PKD1L1: variants seen among roughly 807,000 people sequenced by gnomAD.
PKD1L1 encodes the protein polycystin 1 like 1, transient receptor potential channel interacting, also known as polycystin-1-like protein 1.
PKD1L1 carries 236 observed loss-of-function variants against 323.4 expected under a neutral mutation model. The ratio of observed to expected loss-of-function variants is 0.73; its 90% CI spans 0.66 to 0.81. PKD1L1 has a LOEUF of 0.81. Among genes scored for constraint, PKD1L1 ranks in the 40% least tolerant of loss-of-function variants. The pLI is 0.00. For synonymous variants in PKD1L1, 1,344 were observed against 1,335.0 expected (o/e 1.01, Z -0.15); for missense variants, 3,320 against 3,508.0 (o/e 0.95, Z 1.35).
intron 7 of PKD1L1, among the ~76,000 whole-genome samples, chr7:47,917,075 A>T (rs1176735638): frequency 2.0e-5 from 3 of 152,194 alleles, no homozygotes; most frequent in African/African-American, 7.2e-5. Flanking sequence ...AAATCCAAAA[A>T]ATGATACAAG....
At chr7:47,778,295 G>A (rs1044460733) in intron 56 of PKD1L1, among the ~76,000 whole-genome samples, 2 of 152,180 alleles carry the variant, frequency 1.3e-5, no homozygotes, top group African/African-American at 4.8e-5. Context: ...AGAGATTATC[G>A]TGTGGAGAAG....
chr7:47,821,906 C>A (rs971387758), intron 45 of PKD1L1, among the ~76,000 whole-genome samples: 2 of 151,978 alleles, frequency 1.3e-5, no homozygotes, highest in African/African-American at 4.8e-5. Flanking sequence ...GCAGGCTGGT[C>A]TTAAACTCTT....
chr7:47,854,796 T>A, intron 30 of PKD1L1, 86 bp downstream of exon 30: 2 of 1,466,246 alleles, frequency 1.4e-6, no homozygotes. Context: ...AAAACACAAT[T>A]TAATTCACTG....
At chr7:47,921,238 C>CGA (rs1787529504) in intron 7 of PKD1L1, among the ~76,000 whole-genome samples, 1 of 79,594 alleles carries the variant, frequency 1.3e-5, no homozygotes, top group Non-Finnish European at 2.3e-5. Flanking sequence ...AGACAATTCT[C>CGA]AAAAAAAAAA....
intron 56 of PKD1L1, among the ~76,000 whole-genome samples, chr7:47,785,986 C>T (rs574665496): frequency 1.3e-5 from 2 of 152,286 alleles, no homozygotes; most frequent in South Asian, 2.1e-4. Flanking sequence ...AAGTGATCCA[C>T]CTGCCTCGGC....
intron 6 of PKD1L1, among the ~76,000 whole-genome samples, 188 bp from the exon 7 acceptor site, chr7:47,929,714 C>G (rs903032670): frequency 2.0e-5 from 3 of 152,126 alleles, no homozygotes; most frequent in Non-Finnish European, 4.4e-5. Flanking sequence ...ATCACCTGGG[C>G]GCTTGTGAGA....
In PKD1L1 at chr7:47,811,696, T is replaced by C. The variant is rs147360909; in HGVS notation, c.7581+121A>G. ...TGCAAGAAGGGGATGTGACAAAGAG[T>C]GTGACCGGAGGGGCAGGTGAATGGG... On this transcript the variant is annotated intron_variant, in intron 50 of 56. Transcript: ENST00000289672. 2.6e-3 allele frequency: 1,923 copies of C among 744,324 alleles called. 5 individuals are homozygous for C. The highest frequency in any genetic ancestry group is 7.9e-3 in the Middle Eastern group (21 of 2,666). The allele number at this position is 744,324 out of a possible 1,614,324, so 46.1% of individuals were successfully genotyped here. A position where few individuals can be genotyped will look rare whatever the true frequency, so the allele number is the denominator to read the frequency against.
chr7:47,887,416 T>C (rs1786709080), intron 17 of PKD1L1, among the ~76,000 whole-genome samples: 1 of 152,220 alleles, frequency 6.6e-6, no homozygotes, highest in African/African-American at 2.4e-5. Flanking sequence ...CAAACCTTCG[T>C]GTCCTGCAGC....
At chr7:47,845,732 G>T (rs914753902) in intron 32 of PKD1L1, among the ~76,000 whole-genome samples, 2 of 152,218 alleles carry the variant, frequency 1.3e-5, no homozygotes, top group Admixed American at 6.5e-5. Context: ...TGGGATTGCA[G>T]GTGTGTGCCC....
chr7:47,814,077 G>A (rs1784964161), intron 47 of PKD1L1, 63 bp from the exon 48 acceptor site: 1 of 1,430,082 alleles, frequency 7.0e-7, no homozygotes, highest in Non-Finnish European at 9.8e-7. Context: ...TCCTCATCAA[G>A]CGTGCTCAAA....
At chr7:47,951,025 G>A (rs1375385865), upstream of PKD1L1, among the ~76,000 whole-genome samples, 1 of 152,240 alleles carries the variant, frequency 6.6e-6, no homozygotes, top group African/African-American at 2.4e-5. Context: ...TCCCTCCCGA[G>A]GACGGAGGGG....
At chr7:47,784,524 G>A (rs990288192) in intron 56 of PKD1L1, among the ~76,000 whole-genome samples, 19 of 151,866 alleles carry the variant, frequency 1.3e-4, no homozygotes, top group Admixed American at 5.9e-4. Flanking sequence ...CCAAGCTAGA[G>A]TGCAATGGTG....
intron 4 of PKD1L1, among the ~76,000 whole-genome samples, chr7:47,935,019 T>C (rs986296260): frequency 2.0e-5 from 3 of 152,190 alleles, no homozygotes; most frequent in Admixed American, 1.3e-4. Flanking sequence ...CACTCTGCTC[T>C]TGTTTCTCGT....
chr7:47,817,279 C>T (rs1479651345), intron 46 of PKD1L1, among the ~76,000 whole-genome samples: 1 of 151,982 alleles, frequency 6.6e-6, no homozygotes, highest in Non-Finnish European at 1.5e-5. Context: ...GGATTTACAC[C>T]ACGGAAATTG....
At chr7:47,804,478 T>C (rs1465776592) in intron 52 of PKD1L1, among the ~76,000 whole-genome samples, 4 of 146,828 alleles carry the variant, frequency 2.7e-5, no homozygotes, top group African/African-American at 9.9e-5. Context: ...AATTTTTTTT[T>C]TTTTTTTTTT....
intron 4 of PKD1L1, among the ~76,000 whole-genome samples, chr7:47,934,427 G>A (rs926951175): frequency 1.3e-5 from 2 of 152,210 alleles, no homozygotes; most frequent in Admixed American, 6.5e-5. Flanking sequence ...CCAACGGCAT[G>A]TCAACCCGGA....
rs1163708902 is a variant in PKD1L1, at chr7:47,813,253, G to A, written c.7214C>T (p.Pro2405Leu). The A allele has an allele frequency of 1.7e-5, 27 of 1,614,186 alleles. No individual in the cohort carries two copies. The highest frequency in any genetic ancestry group is 2.2e-5 in the Non-Finnish European group (26 of 1,180,032). ...GCCTCCAACTTCGGGACTACATGTAGGAATAGAGTCTTCGATGAGTGCTGA... is the reference window on the plus strand; with the variant it reads ...GCCTCCAACTTCGGGACTACATGTAAGAATAGAGTCTTCGATGAGTGCTGA... Reference protein sequence around the residue: ...PFSALIEDSIPTCSPEVGGPE... With the variant: ...PFSALIEDSILTCSPEVGGPE... The change falls in exon 49 of 57, where the codon CCT (proline) becomes CTT (leucine). Residue 2405 changes from proline to leucine, a missense_variant. Pro to Leu is a moderately conservative substitution (Grantham distance 98). Coordinates refer to ENST00000289672, the MANE Select transcript of PKD1L1 (RefSeq NM_138295.5).
intron 24 of PKD1L1, among the ~76,000 whole-genome samples, chr7:47,873,334 T>C (rs1161495707): frequency 6.6e-6 from 1 of 152,160 alleles, no homozygotes; most frequent in Non-Finnish European, 1.5e-5. Context: ...AAATGATATC[T>C]TTAAAAACTG....
Position 47,839,803 on chromosome 7 carries a change from G to T in PKD1L1, c.5553-141C>A. The T allele has an allele frequency of 1.2e-6, 1 of 837,984 alleles. No homozygotes were observed. The allele number at this position is 837,984 out of a possible 1,614,324, so 51.9% of individuals were successfully genotyped here. Reference sequence around the variant, plus strand: ...ATGTCAAAGGTGACTGACATGCAGAGTGACATGTGAAGCCCCCTGGAACCC... The same window carrying T: ...ATGTCAAAGGTGACTGACATGCAGATTGACATGTGAAGCCCCCTGGAACCC... On this transcript the variant is annotated intron_variant, in intron 35 of 56. Transcript: ENST00000289672. This position sits in a 1 kb window ranked among gnomAD's most constrained non-coding sequence, Gnocchi z 4.3.
Sources: gnomAD v4.1 joint callset for allele counts (sites outside exome capture counted in the v4.1 genomes callset) on GRCh38, gnomAD v4.1.1 for gene constraint, Gnocchi (gnomAD v3.1) non-coding constraint, MANE v1.5 for transcripts, NCBI Gene and HGNC (gene_info 2026-07-23, HGNC 2026-07-21) for gene names.